The following GABRG3 variants were observed in gnomAD, a reference collection of about 807,000 sequenced individuals.
GABRG3 encodes gamma-aminobutyric acid type A receptor subunit gamma3, also known as gamma-aminobutyric acid receptor subunit gamma-3.
Under a neutral mutation model 48.8 loss-of-function variants are expected in GABRG3, and 25 were observed. The ratio of observed to expected loss-of-function variants is 0.51; its 90% CI spans 0.37 to 0.72. The LOEUF is 0.72. GABRG3 is among the 30% of genes least tolerant of loss of function. The pLI, the probability that GABRG3 is intolerant of heterozygous loss-of-function variation, is 0.00. For synonymous variants in GABRG3, 227 were observed against 217.6 expected, an observed-to-expected ratio of 1.04 and a Z score of -0.38; for missense variants, 394 against 577.9, an observed-to-expected ratio of 0.68 and a Z score of 3.26.
intron 3 of GABRG3, among the ~76,000 whole-genome samples, chr15:27,068,928 C>T (rs1896781897): frequency 6.6e-6 from 1 of 152,186 alleles, no homozygotes; most frequent in Non-Finnish European, 1.5e-5. Context: ...TTCTGGGTAC[C>T]ACATGCCACT....
intron 2 of GABRG3, among the ~76,000 whole-genome samples, chr15:26,991,653 T>A (rs1895250297): frequency 1.3e-5 from 2 of 152,324 alleles, no homozygotes; most frequent in African/African-American, 4.8e-5. Context: ...TTTGGTTAAT[T>A]CCTGGGTATT....
chr15:27,011,056 A>G (rs1654157936), intron 2 of GABRG3, among the ~76,000 whole-genome samples: 1 of 152,062 alleles, frequency 6.6e-6, no homozygotes, highest in Admixed American at 6.6e-5. Flanking sequence ...CATGTTGGAC[A>G]TTGACAGCTG....
At chr15:27,038,087 G>A (rs17738971) in intron 3 of GABRG3, among the ~76,000 whole-genome samples, 21,105 of 152,080 alleles carry the variant, frequency 0.14, 1,559 homozygotes, top group East Asian at 0.18. Flanking sequence ...TCCATGCTCC[G>A]TAACTAGTCC....
At chr15:27,321,881 A>T (rs2140515144) in intron 3 of GABRG3, among the ~76,000 whole-genome samples, 1 of 152,376 alleles carries the variant, frequency 6.6e-6, no homozygotes, top group South Asian at 2.1e-4. Context: ...GTTTTCTTAA[A>T]ATGATCCGCG....
At chr15:27,303,252 C>T (rs371544501) in intron 3 of GABRG3, among the ~76,000 whole-genome samples, 11 of 150,362 alleles carry the variant, frequency 7.3e-5, no homozygotes, top group African/African-American at 2.2e-4. Flanking sequence ...CACAAATTAC[C>T]AATATCAGGA....
chr15:27,516,126 C>A (rs1384557738), intron 6 of GABRG3, among the ~76,000 whole-genome samples: 20 of 148,832 alleles, frequency 1.3e-4, no homozygotes, highest in Non-Finnish European at 2.1e-4. Flanking sequence ...AAAAAAAACA[C>A]CCCTACCAAC....
intron 3 of GABRG3, among the ~76,000 whole-genome samples, chr15:27,139,075 G>C (rs1898059114): frequency 6.6e-6 from 1 of 152,120 alleles, no homozygotes; most frequent in Non-Finnish European, 1.5e-5. Flanking sequence ...GACAGACAGA[G>C]AGAGAGGTGT....
chr15:27,105,674 G>C (rs1264343782), intron 3 of GABRG3, among the ~76,000 whole-genome samples: 1 of 152,142 alleles, frequency 6.6e-6, no homozygotes. Flanking sequence ...ATGGAGAAAA[G>C]GGAAACTTGA....
At chr15:27,306,454 A>G (rs1382907754) in intron 3 of GABRG3, among the ~76,000 whole-genome samples, 9 of 140,882 alleles carry the variant, frequency 6.4e-5, no homozygotes, top group Non-Finnish European at 1.2e-4. Flanking sequence ...ATGTCTACAT[A>G]TAAACATAAA....
chr15:27,461,548 G>A (rs1889447620), intron 5 of GABRG3, among the ~76,000 whole-genome samples: 1 of 152,192 alleles, frequency 6.6e-6, no homozygotes, highest in Admixed American at 6.5e-5. Flanking sequence ...CAGCATGGAA[G>A]AGGACTCCAG....
At chr15:26,999,131 G>T (rs968934767) in intron 2 of GABRG3, among the ~76,000 whole-genome samples, 1 of 95,518 alleles carries the variant, frequency 1.0e-5, no homozygotes, top group Admixed American at 1.1e-4. Context: ...GAAAATATTT[G>T]AAAAAAAAAA....
intron 5 of GABRG3, among the ~76,000 whole-genome samples, chr15:27,430,209 G>C (rs2140622096): frequency 6.6e-6 from 1 of 152,254 alleles, no homozygotes; most frequent in Middle Eastern, 3.4e-3. Flanking sequence ...CCTTTGAAGA[G>C]ATGTCTACTC....
chr15:26,976,905 T>C lies in GABRG3; in HGVS notation c.54-97T>C. 7.8e-7 allele frequency: 1 copy of C among 1,277,052 alleles called. No homozygotes were observed. The highest frequency in any genetic ancestry group is 1.1e-6 in the Non-Finnish European group (1 of 899,900). 79.1% of individuals were successfully genotyped at this position (1,277,052 alleles called of 1,614,324 possible). A position where few individuals can be genotyped will look rare whatever the true frequency, so the allele number is the denominator to read the frequency against. Reference sequence around the variant, plus strand: ...GGTTGGGCTGTGGGTACTGGGGACTTTCTACCCATTTCATGGTACTTGGAT... The same window carrying C: ...GGTTGGGCTGTGGGTACTGGGGACTCTCTACCCATTTCATGGTACTTGGAT... On this transcript the variant is annotated intron_variant, in intron 1 of 9. Transcript: ENST00000615808. The surrounding 1 kb of genome is among the most constrained non-coding windows in gnomAD (Gnocchi z 7.8).
chr15:27,359,801 C>A (rs1894962244), intron 5 of GABRG3, among the ~76,000 whole-genome samples: 1 of 152,354 alleles, frequency 6.6e-6, no homozygotes. Context: ...AGATTCAAAG[C>A]AGAAGCTTAC....
intron 3 of GABRG3, among the ~76,000 whole-genome samples, chr15:27,309,300 A>ATGTG (rs60005048): frequency 5.0e-4 from 75 of 150,094 alleles, no homozygotes; most frequent in African/African-American, 1.5e-3. Context: ...TGTTTTATAT[A>ATGTG]TGTGTGTGTG....
intron 2 of GABRG3, among the ~76,000 whole-genome samples, chr15:27,023,777 CTGTT>C (rs1440114377): frequency 6.6e-6 from 1 of 152,244 alleles, no homozygotes; most frequent in Non-Finnish European, 1.5e-5. Flanking sequence ...GCTATTCAAT[CTGTT>C]TGAGCCCCTC....
rs1377082026 is a variant in GABRG3, at chr15:27,473,336, GGGGAGAAAT to G, written c.575-7313_575-7305del. ...CAAGGAAATTTGAAACTATGGAAAA[GGGGAGAAAT>G]ACACCTGTCATTGAGAATTAGAACT... On this transcript the variant is annotated intron_variant, in intron 5 of 9. Coordinates refer to ENST00000615808, the MANE Select transcript of GABRG3 (RefSeq NM_033223.5). Among the ~76,000 whole-genome samples the G allele has an allele frequency of 2.0e-5, 3 of 152,272 alleles. No homozygotes were observed. The East Asian group carries it at 5.8e-4, about 29-fold the overall frequency.
chr15:27,299,515 G>C (rs1478538624), intron 3 of GABRG3, among the ~76,000 whole-genome samples: 15 of 152,164 alleles, frequency 9.9e-5, no homozygotes. Flanking sequence ...TTTGCAAGCA[G>C]TGAGAGTTCT....
At chr15:27,032,764 T>G (rs1363641389) in intron 3 of GABRG3, among the ~76,000 whole-genome samples, 1 of 152,196 alleles carries the variant, frequency 6.6e-6, no homozygotes, top group African/African-American at 2.4e-5. Flanking sequence ...TTGGAGGGGA[T>G]GAAACATCTA....
Sources: gnomAD v4.1 joint callset for allele counts (sites outside exome capture counted in the v4.1 genomes callset) on GRCh38, gnomAD v4.1.1 for gene constraint, Gnocchi (gnomAD v3.1) non-coding constraint, MANE v1.5 for transcripts, NCBI Gene and HGNC (gene_info 2026-07-23, HGNC 2026-07-21) for gene names.